The following ARHGAP26 variants were observed in gnomAD, a reference collection of about 807,000 sequenced individuals.
The protein encoded by ARHGAP26 is rho GTPase-activating protein 26.
ARHGAP26 carries 38 observed loss-of-function variants against 104.8 expected under a neutral mutation model. The observed-to-expected ratio is 0.36, with a 90% CI of 0.28 to 0.48. The LOEUF is 0.48. ARHGAP26 is among the 20% of genes least tolerant of loss of function. The probability of loss-of-function intolerance (pLI) is 0.99; values close to 1 mark genes in which losing one functional copy is unlikely to be tolerated. For missense variants in ARHGAP26, 704 were observed against 947.9 expected, an observed-to-expected ratio of 0.74 and a Z score of 3.38; for synonymous variants, 341 against 340.0, an observed-to-expected ratio of 1.00 and a Z score of -0.03.
chr5:142,878,129 T>A (rs1024822339), intron 3 of ARHGAP26, among the ~76,000 whole-genome samples: 1 of 152,262 alleles, frequency 6.6e-6, no homozygotes, highest in African/African-American at 2.4e-5. Flanking sequence ...CTGTGACTTC[T>A]GGCATTTACC....
At chr5:143,192,197 A>C (rs1231616931) in intron 20 of ARHGAP26, among the ~76,000 whole-genome samples, 1 of 152,242 alleles carries the variant, frequency 6.6e-6, no homozygotes, top group African/African-American at 2.4e-5. Flanking sequence ...AAGGAGAAAG[A>C]TCTAACTCAC....
chr5:143,178,604 A>G (rs960955224), intron 20 of ARHGAP26, among the ~76,000 whole-genome samples: 1 of 152,136 alleles, frequency 6.6e-6, no homozygotes, highest in African/African-American at 2.4e-5. Flanking sequence ...CAGCGCTACT[A>G]CAATAGCTGG....
chr5:142,930,927 G>C (rs6889385), intron 10 of ARHGAP26, among the ~76,000 whole-genome samples: 1 of 152,196 alleles, frequency 6.6e-6, no homozygotes, highest in Non-Finnish European at 1.5e-5. Context: ...GGGTGCATAT[G>C]GGGCCCAGGC....
Position 142,894,912 on chromosome 5 carries a change from T to G in ARHGAP26, c.597+564T>G, listed in dbSNP as rs570522131. Among the ~76,000 whole-genome samples, 26 of 152,270 alleles carry G rather than the reference T, an allele frequency of 1.7e-4. 1 individual carries two copies. The South Asian group carries it at 5.0e-3, about 29-fold the overall frequency. On this transcript the variant is annotated intron_variant, in intron 6 of 22. Coordinates refer to ENST00000645722, the MANE Select transcript of ARHGAP26 (RefSeq NM_001135608.3). The stretch of plus-strand genomic sequence containing the variant: ...CTCTGCTGAGTGGACCATGATGGAA[T>G]TTGGACTTGGACACTGTCCCAGTGA...
chr5:142,917,493 A>G (rs930134394), intron 10 of ARHGAP26, among the ~76,000 whole-genome samples: 2 of 152,218 alleles, frequency 1.3e-5, no homozygotes, highest in Admixed American at 6.5e-5. Context: ...GTAAACTACA[A>G]TGAAACTGTA....
chr5:143,016,022 G>T (rs79199045), intron 12 of ARHGAP26, among the ~76,000 whole-genome samples: 2 of 152,222 alleles, frequency 1.3e-5, no homozygotes, highest in Non-Finnish European at 2.9e-5. Flanking sequence ...TTGTTGGGGC[G>T]TTGGTGATAA....
At position 142,835,748 on chromosome 5, in the gene ARHGAP26, G is replaced by A. The variant is rs113330253; in HGVS notation, c.155-37652G>A. On this transcript the variant is annotated intron_variant, in intron 1 of 22. Transcript: ENST00000645722. ...GGGGAATGAAATTAGGTAACCCATG[G>A]TTAGCACATGATACATAATAAAAAC... is the stretch of plus-strand genomic sequence containing the variant. Among the ~76,000 whole-genome samples, 1,080 of 152,252 alleles carry A rather than the reference G, an allele frequency of 7.1e-3. 15 individuals are homozygous for A. The highest frequency in any genetic ancestry group is 0.025 in the African/African-American group (1,032 of 41,544).
At chr5:143,057,196 T>C (rs969566329) in intron 16 of ARHGAP26, among the ~76,000 whole-genome samples, 2 of 152,244 alleles carry the variant, frequency 1.3e-5, no homozygotes, top group African/African-American at 2.4e-5. Context: ...TCCTTTGATA[T>C]CTTTGATGCT....
chr5:142,849,222 C>G (rs1007294372), intron 1 of ARHGAP26, among the ~76,000 whole-genome samples: 2 of 152,176 alleles, frequency 1.3e-5, no homozygotes, highest in Admixed American at 6.5e-5. Flanking sequence ...CTAGCTAAAG[C>G]AATTCCAGTA....
chr5:143,174,326 G>C (rs1803185391), intron 20 of ARHGAP26, among the ~76,000 whole-genome samples: 1 of 152,218 alleles, frequency 6.6e-6, no homozygotes, highest in Admixed American at 6.5e-5. Context: ...AGGAGATACT[G>C]TTAAGGAAAA....
At chr5:143,018,114 A>G (rs1779836423) in intron 12 of ARHGAP26, among the ~76,000 whole-genome samples, 1 of 152,248 alleles carries the variant, frequency 6.6e-6, no homozygotes, top group Non-Finnish European at 1.5e-5. Flanking sequence ...GCATCTATTC[A>G]TAGGCCTGTT....
chr5:143,115,851 A>G (rs1462858664), intron 17 of ARHGAP26, among the ~76,000 whole-genome samples: 1 of 152,176 alleles, frequency 6.6e-6, no homozygotes, highest in Non-Finnish European at 1.5e-5. Context: ...TATTCCAACT[A>G]CTGTGCTATG....
At chr5:142,895,593 C>T (rs1759370533) in intron 6 of ARHGAP26, among the ~76,000 whole-genome samples, 1 of 152,216 alleles carries the variant, frequency 6.6e-6, no homozygotes, top group African/African-American at 2.4e-5. Context: ...GGAGTGGCCA[C>T]TCTTTCTAGT....
chr5:143,201,304 G>T (rs1807687700), intron 20 of ARHGAP26, among the ~76,000 whole-genome samples: 1 of 152,144 alleles, frequency 6.6e-6, no homozygotes, highest in Non-Finnish European at 1.5e-5. Context: ...CACCCATCTG[G>T]ACTCTGAGGG....
In ARHGAP26 at chr5:143,224,713, C is replaced by CA. The variant is rs2151440228; in HGVS notation, c.*2269dup. ...CCAGCTTCTTAGAATGTTCAGTTCT[C>CA]AATGTGCTGCTGCTTTCCCTTCTCC... On this transcript the variant is annotated 3_prime_UTR_variant, in exon 23 of 23. Transcript: ENST00000645722. The CA allele has an allele frequency of 4.4e-6, 1 of 229,354 alleles. No individual in the cohort carries two copies. Among genetic ancestry groups the CA allele is most frequent in the East Asian group, 6.2e-5 (1 of 16,036 alleles). 14.2% of individuals were successfully genotyped at this position (229,354 alleles called of 1,614,324 possible).
chr5:143,036,806 A>G (rs567267305), intron 12 of ARHGAP26, among the ~76,000 whole-genome samples: 1 of 152,338 alleles, frequency 6.6e-6, no homozygotes, highest in Non-Finnish European at 1.5e-5. Context: ...TTTATAGACC[A>G]CTTAATTTGT....
intron 1 of ARHGAP26, among the ~76,000 whole-genome samples, chr5:142,853,516 C>T (rs1209744490): frequency 6.6e-6 from 1 of 152,144 alleles, no homozygotes; most frequent in Non-Finnish European, 1.5e-5. Flanking sequence ...ATTGAGGGTT[C>T]TAGAGTCAGG....
At chr5:143,174,536 A>T (rs1803220404) in intron 20 of ARHGAP26, among the ~76,000 whole-genome samples, 1 of 152,200 alleles carries the variant, frequency 6.6e-6, no homozygotes, top group South Asian at 2.1e-4. Flanking sequence ...ACCCTTTTAT[A>T]CTGATACCCT....
chr5:143,153,938 G>A (rs886385905), intron 20 of ARHGAP26, among the ~76,000 whole-genome samples: 12 of 152,100 alleles, frequency 7.9e-5, no homozygotes, highest in African/African-American at 2.9e-4. Flanking sequence ...CAAGGCCTGC[G>A]TCCAGACAGA....
Sources: allele counts gnomAD v4.1 joint callset (sites outside exome capture counted in the v4.1 genomes callset), GRCh38; gene constraint gnomAD v4.1.1; transcripts MANE v1.5; gene names NCBI Gene and HGNC (gene_info 2026-07-23, HGNC 2026-07-21).